TTC7A: variants seen among roughly 807,000 people sequenced by gnomAD.
TTC7A encodes tetratricopeptide repeat domain 7A, also known as tetratricopeptide repeat protein 7A.
A neutral mutation model predicts 103.7 loss-of-function variants in TTC7A; 110 were observed. The ratio of observed to expected loss-of-function variants is 1.06; its 90% confidence interval spans 0.91 to 1.24. The LOEUF is 1.24. Ranked by LOEUF, TTC7A falls within the 50% of genes most tolerant of loss-of-function variation. The probability of loss-of-function intolerance (pLI) is 0.00; values close to 1 mark genes in which losing one functional copy is unlikely to be tolerated. For missense variants in TTC7A, 1,340 were observed against 1,116.3 expected, an observed-to-expected ratio of 1.20 and a Z score of -2.86; for synonymous variants, 521 against 467.9, an observed-to-expected ratio of 1.11 and a Z score of -1.47.
In TTC7A at chr2:47,074,203, A is replaced by G. The variant is rs1469819122; in HGVS notation, c.*280A>G. ...GCTCCCCAAGAGCTGGGCAGCGGGGAGCCTCACAGCTGTCCTTCACCCTCA... is the reference window on the plus strand; with the variant it reads ...GCTCCCCAAGAGCTGGGCAGCGGGGGGCCTCACAGCTGTCCTTCACCCTCA... On this transcript the variant is annotated 3_prime_UTR_variant, in exon 20 of 20. Coordinates refer to ENST00000319190, the MANE Select transcript of TTC7A (RefSeq NM_020458.4). 2 of 483,772 alleles carry G rather than the reference A, an allele frequency of 4.1e-6. No homozygotes were observed. Among genetic ancestry groups the G allele is most frequent in the East Asian group, 7.8e-5 (2 of 25,600 alleles). 30.0% of individuals were successfully genotyped at this position (483,772 alleles called of 1,614,324 possible).
At chr2:47,038,593 G>A (rs375031215) in intron 15 of TTC7A, among the ~76,000 whole-genome samples, 6 of 151,762 alleles carry the variant, frequency 4.0e-5, no homozygotes, top group African/African-American at 1.5e-4. Flanking sequence ...AAGAGATAAT[G>A]CCCCTTTCTA....
chr2:47,003,616 C>G (rs58674434), intron 8 of TTC7A, among the ~76,000 whole-genome samples: 6,204 of 152,290 alleles, frequency 0.041, 148 homozygotes, highest in African/African-American at 0.055. Context: ...GTCCCCAGAC[C>G]CTGGATGTGC....
chr2:47,053,280 A>G (rs992496611), intron 18 of TTC7A, among the ~76,000 whole-genome samples: 1 of 152,212 alleles, frequency 6.6e-6, no homozygotes, highest in Admixed American at 6.5e-5. Flanking sequence ...CGCCTTAGGC[A>G]AAGGTTCCCG....
At chr2:46,960,375 C>T (rs1377397008) in intron 3 of TTC7A, among the ~76,000 whole-genome samples, 1 of 152,202 alleles carries the variant, frequency 6.6e-6, no homozygotes, top group African/African-American at 2.4e-5. Flanking sequence ...TACCAATTTC[C>T]TGAGCTCCTC....
chr2:46,951,911 C>T (rs1022715809), intron 2 of TTC7A, among the ~76,000 whole-genome samples: 5 of 152,118 alleles, frequency 3.3e-5, no homozygotes, highest in South Asian at 2.1e-4. Flanking sequence ...CAAGGTAGAC[C>T]GTGATAGGAG....
chr2:46,917,288 G>T (rs1316634096), intron 2 of TTC7A: 7 of 660,920 alleles, frequency 1.1e-5, no homozygotes, highest in Non-Finnish European at 1.6e-5. Context: ...GTGAGCCACC[G>T]CGCCGGGACA....
intron 4 of TTC7A, among the ~76,000 whole-genome samples, chr2:46,977,325 C>A (rs1285179748): frequency 1.3e-5 from 2 of 152,206 alleles, no homozygotes; most frequent in East Asian, 3.9e-4. Context: ...GTCCTGACCT[C>A]TGAGGAACTA....
chr2:46,991,350 G>T (rs1407034775), intron 5 of TTC7A, among the ~76,000 whole-genome samples: 1 of 152,034 alleles, frequency 6.6e-6, no homozygotes, highest in African/African-American at 2.4e-5. Context: ...ATCATTTCTG[G>T]CCAGGCGTGG....
Position 46,933,649 on chromosome 2 carries a change from T to C in TTC7A, c.82+16372T>C, listed in dbSNP as rs140817299. ...CAATGATCATGGTAATGAGTAAAAG[T>C]TGATTTCCGAATGTAGCGATCCTGA... On this transcript the variant is annotated intron_variant, in intron 2 of 20. Transcript: ENST00000409245. Among the ~76,000 whole-genome samples, 277 of 152,318 alleles carry C rather than the reference T, an allele frequency of 1.8e-3. 2 individuals carry two copies. Among genetic ancestry groups the C allele is most frequent in the African/African-American group, 6.1e-3 (253 of 41,572 alleles).
chr2:47,005,883 A>C (rs773916873), intron 8 of TTC7A, 39 bp from the exon 9 acceptor site: 7 of 1,611,068 alleles, frequency 4.3e-6, no homozygotes, highest in Non-Finnish European at 5.9e-6. Context: ...CTGCTTATCT[A>C]CTCTCCTCAC....
intron 3 of TTC7A, 128 bp from the exon 4 acceptor site, chr2:46,974,845 C>A: frequency 1.5e-6 from 2 of 1,334,242 alleles, no homozygotes; most frequent in Non-Finnish European, 2.1e-6. Context: ...CCTCCGCAGA[C>A]CTCCGCCTCC....
intron 15 of TTC7A, among the ~76,000 whole-genome samples, chr2:47,043,845 T>G (rs1682025597): frequency 6.6e-6 from 1 of 152,198 alleles, no homozygotes; most frequent in Non-Finnish European, 1.5e-5. Context: ...TTGGTAGAAC[T>G]TACTGTGATG....
At chr2:46,928,535 C>T (rs549336488) in intron 2 of TTC7A, among the ~76,000 whole-genome samples, 15 of 150,914 alleles carry the variant, frequency 9.9e-5, no homozygotes, top group Non-Finnish European at 1.9e-4. Context: ...TGTGGGAAGC[C>T]GAGACAGGTG....
chr2:46,927,317 C>A (rs1448438499), intron 2 of TTC7A, among the ~76,000 whole-genome samples: 2 of 148,554 alleles, frequency 1.3e-5, no homozygotes, highest in Non-Finnish European at 3.0e-5. Flanking sequence ...TGTAGAAAAC[C>A]AAAGAAAAAT....
chr2:46,985,539 T>G (rs759289888), intron 5 of TTC7A, among the ~76,000 whole-genome samples: 14 of 152,240 alleles, frequency 9.2e-5, no homozygotes, highest in Non-Finnish European at 1.6e-4. Context: ...TCATGCCAGG[T>G]AGAATGCAAA....
intron 2 of TTC7A, among the ~76,000 whole-genome samples, chr2:46,921,840 C>T (rs1669120200): frequency 6.6e-6 from 1 of 152,172 alleles, no homozygotes; most frequent in African/African-American, 2.4e-5. Flanking sequence ...GTTCGCGTTC[C>T]TGTGAGAATC....
In TTC7A at chr2:47,056,042, C is replaced by T. The variant is rs11888261; in HGVS notation, c.2152+4162C>T. ...CCAGCTTCCCGAGTCAGCGAGGCCA[C>T]TCTCAGGACAGGCCCATGCAGCCCC... On this transcript the variant is annotated intron_variant, in intron 18 of 19. Transcript: ENST00000319190. 4.7e-3 allele frequency among the ~76,000 whole-genome samples: 720 copies of T among 152,124 alleles called. 9 individuals are homozygous for T. Among genetic ancestry groups the T allele is most frequent in the African/African-American group, 0.017 (686 of 41,552 alleles).
At chr2:47,070,074 GGAA>G (rs1233562991) in intron 19 of TTC7A, among the ~76,000 whole-genome samples, 2 of 152,172 alleles carry the variant, frequency 1.3e-5, no homozygotes, top group African/African-American at 4.8e-5. Flanking sequence ...CCCCCTCAAA[GGAA>G]GAAGAAGCAT....
intron 3 of TTC7A, among the ~76,000 whole-genome samples, chr2:46,968,969 A>T (rs1558520337): frequency 6.8e-6 from 1 of 146,366 alleles, no homozygotes; most frequent in Admixed American, 6.8e-5. Flanking sequence ...AAGTCTCGCT[A>T]TGTTGCCCAG....
Sources: gnomAD v4.1 joint callset for allele counts (sites outside exome capture counted in the v4.1 genomes callset) on GRCh38, gnomAD v4.1.1 for gene constraint, MANE v1.5 for transcripts, NCBI Gene and HGNC (gene_info 2026-07-23, HGNC 2026-07-21) for gene names.